TMEM178B: variants seen among roughly 807,000 people sequenced by gnomAD.
TMEM178B encodes transmembrane protein 178B.
A neutral mutation model predicts 31.0 loss-of-function variants in TMEM178B; 5 were observed. The observed-to-expected ratio is 0.16, with a 90% CI of 0.08 to 0.34. The LOEUF (loss-of-function observed/expected upper bound fraction) is 0.34, where lower values mean the gene tolerates loss of function less well. Ranked by LOEUF, TMEM178B falls within the 10% of genes least tolerant of loss-of-function variation. The pLI is 1.00. For missense variants in TMEM178B, 275 were observed against 400.3 expected (o/e 0.69, Z 2.67); for synonymous variants, 164 against 164.0 (o/e 1.00, Z 0.00).
intron 2 of TMEM178B, among the ~76,000 whole-genome samples, chr7:141,232,808 A>G (rs1358598349): frequency 6.6e-6 from 1 of 152,088 alleles, no homozygotes; most frequent in Non-Finnish European, 1.5e-5. Context: ...GCTGTGTCCC[A>G]TTAGGAGCCC....
rs149732608 is a variant in TMEM178B at position 141,269,086 on chromosome 7, A to G, written c.496+56382A>G. Among the ~76,000 whole-genome samples, 292 of 142,052 alleles carry G rather than the reference A, an allele frequency of 2.1e-3. 2 individuals carry two copies. In the East Asian group the frequency reaches 0.048, roughly 24 times the overall value. The allele number at this position is 142,052 out of a possible 152,430, so 93.2% of individuals were successfully genotyped here. A position where few individuals can be genotyped will look rare whatever the true frequency, so the allele number is the denominator to read the frequency against. ...TCCTTATGATTTCTGTTTGTTTCCT[A>G]ATTTTTTTTCTTTTTTTTTTTTTTG... On this transcript the variant is annotated intron_variant, in intron 2 of 3. Transcript: ENST00000565468.
chr7:141,355,004 G>C (rs1057429308), intron 2 of TMEM178B, among the ~76,000 whole-genome samples: 1 of 152,062 alleles, frequency 6.6e-6, no homozygotes, highest in Non-Finnish European at 1.5e-5. Context: ...TTGCTTAGAG[G>C]AATCAAAGTT....
At chr7:141,438,779 G>GGCAGGAGAATT (rs1230767223) in intron 3 of TMEM178B, among the ~76,000 whole-genome samples, 1 of 148,448 alleles carries the variant, frequency 6.7e-6, no homozygotes, top group Non-Finnish European at 1.5e-5. Context: ...GGGAGGCTGA[G>GGCAGGAGAATT]GCAGGAGAAT....
intron 2 of TMEM178B, among the ~76,000 whole-genome samples, chr7:141,238,747 T>C (rs1007957330): frequency 6.6e-6 from 1 of 152,192 alleles, no homozygotes; most frequent in Non-Finnish European, 1.5e-5. Context: ...TTTATGCGGA[T>C]CTAGGCCTGT....
At position 141,270,655 on chromosome 7, in the gene TMEM178B, T is replaced by G. The variant is rs145104926; in HGVS notation, c.496+57951T>G. On this transcript the variant is annotated intron_variant, in intron 2 of 3. Transcript: ENST00000565468. ...TTTTAAAAACACTATAGGATTCGAG[T>G]TGAGGTTTAATCAAAAGGATACAAA... 2.6e-5 allele frequency among the ~76,000 whole-genome samples: 4 copies of G among 152,248 alleles called. No homozygotes were observed. The East Asian group carries it at 7.7e-4, about 29-fold the overall frequency.
At chr7:141,395,160 A>G (rs1007104878) in intron 2 of TMEM178B, among the ~76,000 whole-genome samples, 1 of 152,232 alleles carries the variant, frequency 6.6e-6, no homozygotes, top group African/African-American at 2.4e-5. Flanking sequence ...CTTAGTATCC[A>G]TAGAAATTTG....
intron 2 of TMEM178B, among the ~76,000 whole-genome samples, chr7:141,260,680 T>A (rs1216333795): frequency 1.3e-5 from 2 of 152,206 alleles, no homozygotes; most frequent in Non-Finnish European, 2.9e-5. Context: ...AAGTTTCTAT[T>A]TTACTTGAAG....
At chr7:141,488,246 A>T in the TMEM178B span, among the ~76,000 whole-genome samples, 3 of 152,270 alleles carry the variant, frequency 2.0e-5, no homozygotes, top group East Asian at 3.9e-4. Context: ...CTAGCTCTCC[A>T]AGCTTGAGAA....
chr7:141,183,919 C>T (rs1036047045), intron 1 of TMEM178B, among the ~76,000 whole-genome samples: 5 of 152,168 alleles, frequency 3.3e-5, no homozygotes, highest in Admixed American at 2.0e-4. Flanking sequence ...CAGGTTTGGC[C>T]TCAGCAAAGA....
chr7:141,495,084 C>G, the TMEM178B span, among the ~76,000 whole-genome samples: 28 of 152,214 alleles, frequency 1.8e-4, no homozygotes, highest in East Asian at 5.2e-3. Context: ...TTCCAAATAA[C>G]AGACTATAAG....
Position 141,188,581 on chromosome 7 carries a change from AC to A in TMEM178B, c.383-24009del, listed in dbSNP as rs1182565385. On this transcript the variant is annotated intron_variant, in intron 1 of 3. Coordinates refer to ENST00000565468, the MANE Select transcript of TMEM178B (RefSeq NM_001195278.2). ...CTAGCTTCCTGACTTCCAGTCCCAA[AC>A]TTTTTTCCTGTATGTTCTACATCTG... Among the ~76,000 whole-genome samples the A allele has an allele frequency of 3.9e-5, 6 of 152,268 alleles. No individual in the cohort carries two copies. The East Asian group carries it at 1.2e-3, about 29-fold the overall frequency.
intron 2 of TMEM178B, among the ~76,000 whole-genome samples, chr7:141,233,538 G>A (rs1187003518): frequency 2.6e-5 from 4 of 152,124 alleles, no homozygotes; most frequent in Non-Finnish European, 4.4e-5. Flanking sequence ...ATGCATTTCG[G>A]CACAGGCACC....
chr7:141,295,994 C>T (rs1193382556), intron 2 of TMEM178B, among the ~76,000 whole-genome samples: 2 of 151,974 alleles, frequency 1.3e-5, no homozygotes, highest in Non-Finnish European at 2.9e-5. Flanking sequence ...CTCTTCTAGT[C>T]GAGGTTTCCA....
At chr7:141,387,905 C>A (rs921663852) in intron 2 of TMEM178B, among the ~76,000 whole-genome samples, 16 of 152,194 alleles carry the variant, frequency 1.1e-4, no homozygotes, top group African/African-American at 3.6e-4. Context: ...GCCACTCCCC[C>A]TTTCCCGCAG....
At chr7:141,220,523 G>A (rs543943138) in intron 2 of TMEM178B, among the ~76,000 whole-genome samples, 2 of 151,868 alleles carry the variant, frequency 1.3e-5, no homozygotes, top group South Asian at 4.2e-4. Context: ...GACCTAGGGG[G>A]AGGGAAGGGA....
intron 2 of TMEM178B, among the ~76,000 whole-genome samples, chr7:141,330,336 T>G (rs1275271672): frequency 6.6e-6 from 1 of 152,206 alleles, no homozygotes; most frequent in African/African-American, 2.4e-5. Context: ...CCATGTGTTC[T>G]CATTGTTCAG....
chr7:141,225,196 C>T (rs961893466), intron 2 of TMEM178B, among the ~76,000 whole-genome samples: 7 of 152,228 alleles, frequency 4.6e-5, no homozygotes, highest in East Asian at 1.9e-4. Flanking sequence ...CTTTCCTTAC[C>T]GCCAGGGAGC....
intron 2 of TMEM178B, among the ~76,000 whole-genome samples, chr7:141,305,322 G>T (rs1252459726): frequency 6.6e-6 from 1 of 152,178 alleles, no homozygotes; most frequent in Non-Finnish European, 1.5e-5. Context: ...TGTTATAAGT[G>T]CTATGTATAT....
chr7:141,139,434 C>T (rs552273095), intron 1 of TMEM178B, among the ~76,000 whole-genome samples: 1 of 152,298 alleles, frequency 6.6e-6, no homozygotes, highest in Non-Finnish European at 1.5e-5. Flanking sequence ...TCACAGCAGC[C>T]TCACCCTTCT....
Sources: allele counts gnomAD v4.1 joint callset (sites outside exome capture counted in the v4.1 genomes callset), GRCh38; gene constraint gnomAD v4.1.1; transcripts MANE v1.5; gene names NCBI Gene and HGNC (gene_info 2026-07-23, HGNC 2026-07-21).